Variants in MED27 observed in about 807,000 individuals in gnomAD.
The protein encoded by MED27 is mediator of RNA polymerase II transcription subunit 27.
MED27 carries 30 observed loss-of-function variants against 38.2 expected under a neutral mutation model. The observed-to-expected ratio is 0.79, with a 90% CI of 0.59 to 1.07. The LOEUF (loss-of-function observed/expected upper bound fraction) is 1.07. Ranked by LOEUF, MED27 falls within the 50% of genes least tolerant of loss-of-function variation. MED27 has a pLI of 0.00. For synonymous variants in MED27, 122 were observed against 153.5 expected (o/e 0.79, Z 1.52); for missense variants, 289 against 397.5 (o/e 0.73, Z 2.32).
At chr9:132,004,878 C>CAGTG (rs1271135313) in intron 3 of MED27, among the ~76,000 whole-genome samples, 1 of 152,218 alleles carries the variant, frequency 6.6e-6, no homozygotes, top group Non-Finnish European at 1.5e-5. Context: ...ATTCAACCAA[C>CAGTG]AGTGCACAGT....
At chr9:131,868,557 T>C (rs1589169574) in intron 6 of MED27, 1 of 982,192 alleles carries the variant, frequency 1.0e-6, no homozygotes, top group African/African-American at 1.7e-5. Flanking sequence ...ATTACAGGCG[T>C]GCGCCACTGC....
At chr9:131,989,332 A>G (rs1831922218) in intron 3 of MED27, among the ~76,000 whole-genome samples, 1 of 152,150 alleles carries the variant, frequency 6.6e-6, no homozygotes, top group African/African-American at 2.4e-5. Flanking sequence ...TTTGCCTAGA[A>G]CTTCCCTTTC....
intron 6 of MED27, among the ~76,000 whole-genome samples, chr9:131,879,835 G>A (rs1839004563): frequency 6.6e-6 from 1 of 152,234 alleles, no homozygotes; most frequent in Non-Finnish European, 1.5e-5. Context: ...CATCAATCAT[G>A]ACACCCCATA....
intron 2 of MED27, chr9:132,073,325 G>T (rs1022261356): frequency 1.4e-5 from 14 of 988,344 alleles, no homozygotes; most frequent in African/African-American, 1.7e-5. Flanking sequence ...CCACGAAAGG[G>T]GTTGTAAATT....
At position 131,883,933 on chromosome 9, in the gene MED27, G is replaced by A. The variant is rs1839091938; in HGVS notation, c.723+125C>T. 2 of 763,162 alleles carry A rather than the reference G, an allele frequency of 2.6e-6. No individual in the cohort carries two copies. Among genetic ancestry groups the A allele is most frequent in the Non-Finnish European group, 4.3e-6 (2 of 468,038 alleles). The allele number at this position is 763,162 out of a possible 1,614,324, so 47.3% of individuals were successfully genotyped here. A position where few individuals can be genotyped will look rare whatever the true frequency, so the allele number is the denominator to read the frequency against. On this transcript the variant is annotated intron_variant, in intron 6 of 7. Transcript: ENST00000292035. This position sits in a 1 kb window ranked among gnomAD's most constrained non-coding sequence, Gnocchi z 4.2. ...TCATACATATGGAATCAGACAGTGA[G>A]CATCCTTTTCTGTCTGGCTTTTTTC...
chr9:131,892,151 G>A (rs886836748), intron 5 of MED27, among the ~76,000 whole-genome samples: 3 of 151,966 alleles, frequency 2.0e-5, no homozygotes, highest in African/African-American at 7.3e-5. Flanking sequence ...CGCAGAGGGA[G>A]AAGAAAACTC....
At chr9:131,863,565 C>T (rs542103993) in intron 6 of MED27, among the ~76,000 whole-genome samples, 1 of 152,352 alleles carries the variant, frequency 6.6e-6, no homozygotes, top group African/African-American at 2.4e-5. Context: ...GATGGTTTTC[C>T]CAACAGGGCA....
At chr9:131,953,708 T>A (rs942777090) in intron 3 of MED27, among the ~76,000 whole-genome samples, 2 of 152,156 alleles carry the variant, frequency 1.3e-5, no homozygotes, top group African/African-American at 4.8e-5. Context: ...AGAAACACTA[T>A]CTTACAGTAA....
intron 3 of MED27, among the ~76,000 whole-genome samples, chr9:131,998,280 T>C (rs1289608858): frequency 6.7e-6 from 1 of 149,790 alleles, no homozygotes; most frequent in Admixed American, 6.6e-5. Flanking sequence ...ATTTTTAATA[T>C]CCTTTTTTTT....
At chr9:131,888,799 C>T (rs1483724948) in intron 5 of MED27, among the ~76,000 whole-genome samples, 4 of 152,166 alleles carry the variant, frequency 2.6e-5, no homozygotes, top group African/African-American at 9.7e-5. Flanking sequence ...TCTATGTGGT[C>T]ACCCTCTCAA....
intron 2 of MED27, among the ~76,000 whole-genome samples, chr9:132,031,141 C>G (rs927892291): frequency 5.3e-5 from 8 of 152,230 alleles, no homozygotes; most frequent in Non-Finnish European, 1.2e-4. Context: ...CTTTCTTGAA[C>G]ACCCAGATCC....
intron 5 of MED27, 84 bp from the exon 6 acceptor site, chr9:131,884,183 C>G (rs1839098122): frequency 9.6e-7 from 1 of 1,041,278 alleles, no homozygotes; most frequent in African/African-American, 1.7e-5. Context: ...ACTGTTAACC[C>G]TTCTTAAACT....
At chr9:132,012,256 A>G (rs748774454) in intron 3 of MED27, among the ~76,000 whole-genome samples, 5 of 152,234 alleles carry the variant, frequency 3.3e-5, no homozygotes, top group Non-Finnish European at 7.3e-5. Flanking sequence ...AGAGAGCTGA[A>G]AGTTGAGATT....
intron 3 of MED27, among the ~76,000 whole-genome samples, chr9:132,013,436 G>C (rs1464032331): frequency 1.3e-5 from 2 of 152,216 alleles, no homozygotes; most frequent in African/African-American, 4.8e-5. Flanking sequence ...GGTATAGACA[G>C]AGAGCAATGA....
chr9:132,038,757 T>G (rs981636352), intron 2 of MED27, among the ~76,000 whole-genome samples: 2 of 151,664 alleles, frequency 1.3e-5, no homozygotes, highest in African/African-American at 4.8e-5. Flanking sequence ...AGCTCTAAGG[T>G]GGAGATGGGA....
intron 4 of MED27, among the ~76,000 whole-genome samples, chr9:131,923,834 T>C (rs987740753): frequency 2.6e-5 from 4 of 152,238 alleles, no homozygotes; most frequent in Admixed American, 1.3e-4. Flanking sequence ...GGGTATTTTA[T>C]ATCTCCCTTT....
At position 132,060,587 on chromosome 9, in the gene MED27, C is replaced by T. The variant is rs73557119; in HGVS notation, c.348+16855G>A. Among the ~76,000 whole-genome samples the T allele has an allele frequency of 5.1e-3, 779 of 152,318 alleles. 14 individuals are homozygous for T. Among genetic ancestry groups the T allele is most frequent in the African/African-American group, 0.017 (717 of 41,578 alleles). ...CCCTTTCCAAGCTTCTACAGGAAAC[C>T]CTTTACGGTCCCCACCAAGCACACT... On this transcript the variant is annotated intron_variant, in intron 2 of 7. Coordinates refer to ENST00000292035, the MANE Select transcript of MED27 (RefSeq NM_004269.4).
At chr9:131,880,536 T>G (rs1839018572) in intron 6 of MED27, among the ~76,000 whole-genome samples, 1 of 152,226 alleles carries the variant, frequency 6.6e-6, no homozygotes, top group African/African-American at 2.4e-5. Flanking sequence ...GATAAAGGAA[T>G]CTCAGAAAGG....
At chr9:131,999,586 C>T (rs1006465071) in intron 3 of MED27, among the ~76,000 whole-genome samples, 6 of 152,084 alleles carry the variant, frequency 3.9e-5, no homozygotes, top group Admixed American at 1.3e-4. Flanking sequence ...TCACTGAATA[C>T]CAGCACCAAA....
Sources: gnomAD v4.1 joint callset for allele counts (sites outside exome capture counted in the v4.1 genomes callset) on GRCh38, gnomAD v4.1.1 for gene constraint, Gnocchi (gnomAD v3.1) non-coding constraint, MANE v1.5 for transcripts, NCBI Gene and HGNC (gene_info 2026-07-23, HGNC 2026-07-21) for gene names.